KIAA0586: variants seen among roughly 807,000 people sequenced by gnomAD.
KIAA0586 encodes KIAA0586.
In KIAA0586, 144 loss-of-function variants were observed where a neutral mutation model predicts 169.8. The observed-to-expected ratio is 0.85, with a 90% CI of 0.74 to 0.97. KIAA0586 has a LOEUF of 0.97. Ranked by LOEUF, KIAA0586 falls within the 50% of genes least tolerant of loss-of-function variation. KIAA0586 has a pLI of 0.00. For missense variants in KIAA0586, 1,854 were observed against 1,823.0 expected (o/e 1.02, Z -0.31); for synonymous variants, 625 against 612.4 (o/e 1.02, Z -0.30).
chr14:58,471,358 A>G lies in KIAA0586; in HGVS notation c.2553+635A>G, dbSNP rs189151935. 2.8e-3 allele frequency among the ~76,000 whole-genome samples: 432 copies of G among 152,350 alleles called. 4 individuals carry two copies. The highest frequency in any genetic ancestry group is 1.0e-2 in the African/African-American group (414 of 41,588). Reference sequence around the variant, plus strand: ...TATCCTAAATGAATTTTATAGTGACAGTTGGGAGTTTATATTTTGGAATGT... The same window carrying G: ...TATCCTAAATGAATTTTATAGTGACGGTTGGGAGTTTATATTTTGGAATGT... On this transcript the variant is annotated intron_variant, in intron 17 of 30. Coordinates refer to ENST00000652326, the MANE Select transcript of KIAA0586 (RefSeq NM_001329943.3).
chr14:58,514,471 C>T (rs2044613497), intron 29 of KIAA0586, among the ~76,000 whole-genome samples: 1 of 151,942 alleles, frequency 6.6e-6, no homozygotes, highest in South Asian at 2.1e-4. Context: ...GGGGAAGTAT[C>T]ATGTATTTCA....
chr14:58,442,246 A>G (rs1372788663), intron 4 of KIAA0586, among the ~76,000 whole-genome samples: 4 of 152,078 alleles, frequency 2.6e-5, no homozygotes, highest in African/African-American at 9.7e-5. Context: ...AGTGGCTAGG[A>G]CTACAGGCGC....
At position 58,427,823 on chromosome 14, in the gene KIAA0586, A is replaced by T; in HGVS notation, c.-442A>T. The T allele has an allele frequency of 1.4e-6, 2 of 1,450,708 alleles. No homozygotes were observed. The highest frequency in any genetic ancestry group is 2.8e-5 in the South Asian group (2 of 71,558). The allele number at this position is 1,450,708 out of a possible 1,614,324, so 89.9% of individuals were successfully genotyped here. A position where few individuals can be genotyped will look rare whatever the true frequency, so the allele number is the denominator to read the frequency against. On this transcript the variant is annotated 5_prime_UTR_variant, in exon 1 of 31. Transcript: ENST00000652326. ...GATTGCATCTGGAGGGGTGTGTAAG[A>T]CTCTGTGGCTGAAGAAAGCTATTAC...
chr14:58,466,153 C>G, intron 15 of KIAA0586, 124 bp downstream of exon 15: 1 of 651,060 alleles, frequency 1.5e-6, no homozygotes, highest in Non-Finnish European at 2.5e-6. Context: ...TGGACTCAAG[C>G]AGTCCACCCA....
intron 6 of KIAA0586, among the ~76,000 whole-genome samples, chr14:58,446,814 A>G (rs1390046957): frequency 6.6e-6 from 1 of 152,086 alleles, no homozygotes; most frequent in East Asian, 1.9e-4. Flanking sequence ...GCACGCAGCA[A>G]ATTATCTAGT....
intron 8 of KIAA0586, among the ~76,000 whole-genome samples, chr14:58,452,393 G>C (rs890073551): frequency 4.6e-5 from 7 of 152,110 alleles, no homozygotes; most frequent in Non-Finnish European, 1.0e-4. Context: ...TCATTTAAAT[G>C]CATGCAGGTC....
At chr14:58,499,288 T>C (rs1435863848) in intron 27 of KIAA0586, among the ~76,000 whole-genome samples, 1 of 152,186 alleles carries the variant, frequency 6.6e-6, no homozygotes, top group Admixed American at 6.5e-5. Flanking sequence ...AGTCTTGCTC[T>C]GTCACTCAGG....
chr14:58,559,614 C>A, the KIAA0586 span, among the ~76,000 whole-genome samples: 2 of 152,164 alleles, frequency 1.3e-5, no homozygotes, highest in African/African-American at 4.8e-5. Flanking sequence ...CATTTTTAAA[C>A]CTTATTCTCC....
At chr14:58,551,527 C>T (rs1329371446), downstream of KIAA0586, among the ~76,000 whole-genome samples, 1 of 151,894 alleles carries the variant, frequency 6.6e-6, no homozygotes, top group Non-Finnish European at 1.5e-5. Context: ...TTTGGGAGGC[C>T]GAGGCAGGTG....
intron 9 of KIAA0586, 81 bp downstream of exon 9, chr14:58,453,554 A>C: frequency 1.1e-6 from 1 of 925,610 alleles, no homozygotes; most frequent in South Asian, 1.8e-5. Context: ...GACTTTTAAT[A>C]AATTATAGCA....
chr14:58,484,311 C>A (rs1364690614), intron 21 of KIAA0586, among the ~76,000 whole-genome samples: 1 of 152,090 alleles, frequency 6.6e-6, no homozygotes, highest in East Asian at 1.9e-4. Context: ...TTTTCTTGGC[C>A]TTTTAATCTC....
chr14:58,473,059 C>T lies in KIAA0586; in HGVS notation c.2634+780C>T, dbSNP rs562427412. 4.0e-5 allele frequency among the ~76,000 whole-genome samples: 6 copies of T among 150,120 alleles called. No individual in the cohort carries two copies. In the East Asian group the frequency reaches 7.9e-4, roughly 20 times the overall value. On this transcript the variant is annotated intron_variant, in intron 18 of 30. Coordinates refer to ENST00000652326, the MANE Select transcript of KIAA0586 (RefSeq NM_001329943.3). ...GGTAATTGTTTATGCAATATACAAG[C>T]GAAAGAAATGGTTATAGAAGTAGCA... is the stretch of plus-strand genomic sequence containing the variant.
At chr14:58,526,110 G>A (rs1006848206) in intron 29 of KIAA0586, among the ~76,000 whole-genome samples, 1 of 152,232 alleles carries the variant, frequency 6.6e-6, no homozygotes, top group African/African-American at 2.4e-5. Context: ...AGCACCTGTG[G>A]GAAGGGGCGG....
At chr14:58,450,413 C>T (rs997046353) in intron 7 of KIAA0586, among the ~76,000 whole-genome samples, 166 bp from the exon 8 acceptor site, 1 of 151,970 alleles carries the variant, frequency 6.6e-6, no homozygotes, top group African/African-American at 2.4e-5. Flanking sequence ...TTGTAGTCTT[C>T]ATTTCTTTTG....
At chr14:58,490,558 C>T (rs2042771934) in intron 25 of KIAA0586, among the ~76,000 whole-genome samples, 1 of 152,060 alleles carries the variant, frequency 6.6e-6, no homozygotes, top group African/African-American at 2.4e-5. Flanking sequence ...CAGGATCTTA[C>T]CTGTTTAAAC....
intron 8 of KIAA0586, among the ~76,000 whole-genome samples, chr14:58,452,281 T>C (rs2039454394): frequency 6.6e-6 from 1 of 151,744 alleles, no homozygotes; most frequent in South Asian, 2.1e-4. Context: ...TCTATGGAAA[T>C]AAAAAAAATT....
At chr14:58,500,998 G>T (rs765965983) in intron 27 of KIAA0586, among the ~76,000 whole-genome samples, 32 of 152,152 alleles carry the variant, frequency 2.1e-4, no homozygotes, top group Non-Finnish European at 3.7e-4. Flanking sequence ...TTGATTTGGG[G>T]GGTTATAAAT....
chr14:58,513,756 A>G (rs1445570197), intron 29 of KIAA0586, among the ~76,000 whole-genome samples: 1 of 152,072 alleles, frequency 6.6e-6, no homozygotes, highest in Non-Finnish European at 1.5e-5. Flanking sequence ...GTTCTCATTT[A>G]TGAACTGTCC....
intron 20 of KIAA0586, among the ~76,000 whole-genome samples, chr14:58,481,463 A>G (rs2042024768): frequency 6.6e-6 from 1 of 152,228 alleles, no homozygotes; most frequent in African/African-American, 2.4e-5. Context: ...TAACTGATGT[A>G]TCTGAAACTA....
Sources: allele counts gnomAD v4.1 joint callset (sites outside exome capture counted in the v4.1 genomes callset), GRCh38; gene constraint gnomAD v4.1.1; transcripts MANE v1.5; gene names NCBI Gene and HGNC (gene_info 2026-07-23, HGNC 2026-07-21).